The following NLRP5 variants were observed in gnomAD, a reference collection of about 807,000 sequenced individuals.
NLRP5 encodes the protein NACHT, LRR and PYD domains-containing protein 5.
Under a neutral mutation model 113.1 loss-of-function variants are expected in NLRP5, and 93 were observed. That is an observed-to-expected ratio of 0.82 (90% CI 0.70 to 0.98). NLRP5 has a LOEUF of 0.98. NLRP5 is among the 50% of genes least tolerant of loss of function. The probability of loss-of-function intolerance (pLI) is 0.00; values close to 1 mark genes in which losing one functional copy is unlikely to be tolerated. For missense variants in NLRP5, 1,808 were observed against 1,514.3 expected, an observed-to-expected ratio of 1.19 and a Z score of -3.22; for synonymous variants, 751 against 600.7, an observed-to-expected ratio of 1.25 and a Z score of -3.66.
chr19:56,023,832 C>G (rs926282116), intron 6 of NLRP5, among the ~76,000 whole-genome samples: 8 of 152,244 alleles, frequency 5.3e-5, no homozygotes, highest in Admixed American at 5.2e-4. Flanking sequence ...AGTGTAAGTT[C>G]TAGAATTTTT....
At position 56,038,214 on chromosome 19, in the gene NLRP5, C is replaced by CCACT. The variant is rs1983392117; in HGVS notation, c.2786+22_2786+23insTCAC. 2 of 1,581,600 alleles carry CCACT rather than the reference C, an allele frequency of 1.3e-6. No individual in the cohort carries two copies. Among genetic ancestry groups the CCACT allele is most frequent in the East Asian group, 4.5e-5 (2 of 44,660 alleles). On this transcript the variant is annotated intron_variant, in intron 10 of 14. Transcript: ENST00000390649. The stretch of plus-strand genomic sequence containing the variant: ...AGCTGATGTGAGTGCCACTTCCTTT[C>CCACT]CACCAGGATTATCGTAACTTCCACC...
At chr19:56,024,369 A>G (rs1529718) in intron 6 of NLRP5, among the ~76,000 whole-genome samples, 75,751 of 136,164 alleles carry the variant, frequency 0.56, 21,130 homozygotes, top group East Asian at 0.62. Flanking sequence ...ACAAATATAT[A>G]TATATGTGTA....
intron 11 of NLRP5, among the ~76,000 whole-genome samples, chr19:56,045,341 A>G (rs1362330910): frequency 6.6e-6 from 1 of 152,198 alleles, no homozygotes; most frequent in Non-Finnish European, 1.5e-5. Context: ...AAGGCTGTGT[A>G]TTCACTTGGG....
intron 9 of NLRP5, 80 bp from the exon 10 acceptor site, chr19:56,037,945 T>C: frequency 3.5e-6 from 5 of 1,447,358 alleles, no homozygotes; most frequent in Middle Eastern, 2.4e-4. Context: ...CGGCCAGCGC[T>C]GCTGGCGTGT....
chr19:55,991,756 C>G, the NLRP5 span, among the ~76,000 whole-genome samples: 2 of 152,122 alleles, frequency 1.3e-5, no homozygotes, highest in Admixed American at 1.3e-4. Context: ...TCCTCTTTAT[C>G]TGATTGCTTT....
At chr19:56,015,012 A>G (rs1982350453) in intron 3 of NLRP5, among the ~76,000 whole-genome samples, 2 of 152,210 alleles carry the variant, frequency 1.3e-5, no homozygotes, top group Non-Finnish European at 2.9e-5. Context: ...ATGACACAGT[A>G]ACAACATTAA....
chr19:56,046,855 G>A (rs898010117), intron 11 of NLRP5, among the ~76,000 whole-genome samples: 3 of 152,182 alleles, frequency 2.0e-5, no homozygotes, highest in Non-Finnish European at 4.4e-5. Flanking sequence ...TGAACGTCTG[G>A]TAGAATTCTG....
At chr19:56,041,129 C>T (rs751792562) in intron 11 of NLRP5, 37 bp downstream of exon 11, 1 of 1,602,784 alleles carries the variant, frequency 6.2e-7, no homozygotes, top group Admixed American at 1.7e-5. Context: ...GACTTCCTAG[C>T]TTTCTAACAT....
intron 6 of NLRP5, among the ~76,000 whole-genome samples, chr19:56,022,975 C>T (rs533183612): frequency 6.5e-4 from 99 of 152,292 alleles, no homozygotes; most frequent in Middle Eastern, 3.4e-3. Flanking sequence ...ATCCGCCTGC[C>T]TCGGCCTCCC....
At chr19:56,038,425 C>T (rs1486084676) in intron 10 of NLRP5, among the ~76,000 whole-genome samples, 1 of 152,194 alleles carries the variant, frequency 6.6e-6, no homozygotes, top group Non-Finnish European at 1.5e-5. Flanking sequence ...ACGCGGGAAT[C>T]AGCCAGGTGG....
rs146517547 is a variant in NLRP5 at position 56,031,779 on chromosome 19, C to G, written c.2277-832C>G. Among the ~76,000 whole-genome samples, 478 of 152,228 alleles carry G rather than the reference C, an allele frequency of 3.1e-3. 5 individuals carry two copies. The highest frequency in any genetic ancestry group is 4.4e-3 in the Non-Finnish European group (302 of 68,014). On this transcript the variant is annotated intron_variant, in intron 7 of 14. Transcript: ENST00000390649. ...CCTCCTCTAAGGACGAGTAATATTC[C>G]ATTAACATATGTATCACATGTTCTT...
the NLRP5 span, among the ~76,000 whole-genome samples, chr19:55,987,283 T>C: frequency 7.9e-5 from 12 of 152,284 alleles, no homozygotes; most frequent in Non-Finnish European, 1.5e-4. Context: ...GACGGGAGAA[T>C]CGCTTTAACC....
intron 6 of NLRP5, among the ~76,000 whole-genome samples, chr19:56,023,742 GAGTATCTGGAGAT>G (rs1982707644): frequency 6.6e-6 from 1 of 152,200 alleles, no homozygotes; most frequent in South Asian, 2.1e-4. Flanking sequence ...TCAGGGACTT[GAGTATCTGGAGAT>G]TTTGATGTCA....
chr19:56,017,464 T>C (rs577033671), intron 4 of NLRP5, among the ~76,000 whole-genome samples: 1 of 152,320 alleles, frequency 6.6e-6, no homozygotes, highest in African/African-American at 2.4e-5. Flanking sequence ...GCTGTAAATA[T>C]TGCTGTGTTT....
chr19:56,036,599 A>G (rs566639393), intron 9 of NLRP5, among the ~76,000 whole-genome samples: 1 of 152,336 alleles, frequency 6.6e-6, no homozygotes, highest in South Asian at 2.1e-4. Flanking sequence ...GACAAAAAGA[A>G]TGATGTGTGC....
chr19:56,038,253 C>T, intron 10 of NLRP5, 58 bp downstream of exon 10: 1 of 1,530,596 alleles, frequency 6.5e-7, no homozygotes, highest in Non-Finnish European at 9.0e-7. Context: ...ATTATCGTAA[C>T]TTCGATTCTC....
chr19:56,007,895 G>GCA (rs767046848), intron 2 of NLRP5, among the ~76,000 whole-genome samples: 5,902 of 58,290 alleles, frequency 0.1, 233 homozygotes, highest in Admixed American at 0.16. Context: ...GTGTGCGCGT[G>GCA]CGCGCGTGCG....
chr19:56,021,044 G>A (rs1289062116), intron 6 of NLRP5, among the ~76,000 whole-genome samples: 1 of 151,868 alleles, frequency 6.6e-6, no homozygotes, highest in Non-Finnish European at 1.5e-5. Flanking sequence ...ACTAATTTTT[G>A]TATTTTTAGT....
chr19:56,046,539 ACTT>A (rs1408341464), intron 11 of NLRP5, among the ~76,000 whole-genome samples: 83 of 146,248 alleles, frequency 5.7e-4, no homozygotes, highest in African/African-American at 1.7e-3. Flanking sequence ...GATTGGTACC[ACTT>A]CTTGTTTTTT....
Sources: allele counts gnomAD v4.1 joint callset (sites outside exome capture counted in the v4.1 genomes callset), GRCh38; gene constraint gnomAD v4.1.1; transcripts MANE v1.5; gene names NCBI Gene and HGNC (gene_info 2026-07-23, HGNC 2026-07-21).